DGKI: variants seen among roughly 807,000 people sequenced by gnomAD.
DGKI encodes the protein diacylglycerol kinase iota.
Under a neutral mutation model 147.5 loss-of-function variants are expected in DGKI, and 55 were observed. The observed-to-expected ratio is 0.37, with a 90% confidence interval of 0.30 to 0.47. The LOEUF is 0.47. Among genes scored for constraint, DGKI ranks in the 20% least tolerant of loss-of-function variants. The pLI, the probability that DGKI is intolerant of heterozygous loss-of-function variation, is 1.00. For missense variants in DGKI, 1,007 were observed against 1,323.8 expected (o/e 0.76, Z 3.71); for synonymous variants, 469 against 477.1 (o/e 0.98, Z 0.22).
At chr7:137,466,164 A>G in intron 25 of DGKI, 129 bp from the exon 26 acceptor site, 1 of 1,141,244 alleles carries the variant, frequency 8.8e-7, no homozygotes, top group Non-Finnish European at 1.3e-6. Context: ...TCAGTTGGTG[A>G]TCCTCCCCAA....
At chr7:137,434,624 C>A (rs1813213024) in intron 28 of DGKI, among the ~76,000 whole-genome samples, 1 of 151,958 alleles carries the variant, frequency 6.6e-6, no homozygotes, top group Non-Finnish European at 1.5e-5. Context: ...CCCTCATCTT[C>A]TCCAGCCACT....
At chr7:137,822,551 C>G (rs950714165) in intron 1 of DGKI, among the ~76,000 whole-genome samples, 5 of 151,938 alleles carry the variant, frequency 3.3e-5, no homozygotes, top group Non-Finnish European at 7.4e-5. Context: ...AAACCAGGAC[C>G]CCACGGTGAA....
chr7:137,687,366 C>A (rs1426347013), intron 2 of DGKI, among the ~76,000 whole-genome samples: 1 of 152,166 alleles, frequency 6.6e-6, no homozygotes, highest in South Asian at 2.1e-4. Context: ...ATAAAGATTG[C>A]TCATTTCCAT....
intron 18 of DGKI, among the ~76,000 whole-genome samples, chr7:137,572,099 A>C (rs1818813745): frequency 6.6e-6 from 1 of 152,232 alleles, no homozygotes; most frequent in Non-Finnish European, 1.5e-5. Context: ...ATTCAGTCTA[A>C]ATACAATGTA....
intron 1 of DGKI, among the ~76,000 whole-genome samples, chr7:137,785,611 C>T (rs1461032789): frequency 2.0e-5 from 3 of 152,032 alleles, no homozygotes; most frequent in Admixed American, 6.6e-5. Flanking sequence ...GGAATCCTCC[C>T]TAAATCATTT....
intron 1 of DGKI, among the ~76,000 whole-genome samples, chr7:137,772,768 A>G (rs1314716844): frequency 6.6e-6 from 1 of 152,260 alleles, no homozygotes. Context: ...TCATACATTC[A>G]ACAAACATAT....
chr7:137,731,236 CTTCA>C (rs1212595298), intron 1 of DGKI, among the ~76,000 whole-genome samples: 7 of 152,090 alleles, frequency 4.6e-5, no homozygotes, highest in Non-Finnish European at 1.0e-4. Context: ...TCCAAACCGT[CTTCA>C]TTCACTCTGC....
intron 2 of DGKI, among the ~76,000 whole-genome samples, chr7:137,684,873 A>C (rs1048326837): frequency 3.3e-5 from 5 of 152,212 alleles, no homozygotes; most frequent in African/African-American, 1.2e-4. Context: ...ATTAAGGTCC[A>C]GGTCTCCTAG....
intron 1 of DGKI, among the ~76,000 whole-genome samples, chr7:137,720,083 G>A (rs564532360): frequency 2.0e-5 from 3 of 152,118 alleles, no homozygotes; most frequent in African/African-American, 7.2e-5. Context: ...TTTTGCAGAC[G>A]ATTCTCACAT....
intron 1 of DGKI, among the ~76,000 whole-genome samples, chr7:137,783,428 A>C (rs1796579434): frequency 6.6e-6 from 1 of 152,236 alleles, no homozygotes; most frequent in Admixed American, 6.5e-5. Context: ...TCAAAGACAA[A>C]GAAAAAAGAA....
At position 137,390,035 on chromosome 7, in the gene DGKI, C is replaced by G. The variant is rs1811301727; in HGVS notation, c.*1185G>C. 6.6e-6 allele frequency: 1 copy of G among 152,036 alleles called. No individual in the cohort carries two copies. Among genetic ancestry groups the G allele is most frequent in the African/African-American group, 2.4e-5 (1 of 41,388 alleles). 9.4% of individuals were successfully genotyped at this position (152,036 alleles called of 1,614,324 possible). A position where few individuals can be genotyped will look rare whatever the true frequency, so the allele number is the denominator to read the frequency against. ...AAGGATTACTTGGAGTAATGAAAAC[C>G]AAAAACCTAAAAGAAAGACCTAAAA... On this transcript the variant is annotated 3_prime_UTR_variant, in exon 33 of 33. Transcript: ENST00000614521.
rs1234719520 is a variant in DGKI at position 137,395,613 on chromosome 7, T to C, written c.3042A>G (p.Arg1014=). ...QLLVDAGASL[R]KTDSKGKTPQ... Reference sequence around the variant, plus strand: ...ATCGAGTTACCTTGGAGTCCGTCTTTCTCAGAGATGCTCCTGCATCCACCA... The same window carrying C: ...ATCGAGTTACCTTGGAGTCCGTCTTCCTCAGAGATGCTCCTGCATCCACCA... Residue 1014 remains arginine, a synonymous_variant, in exon 32 of 33, where the codon AGA becomes AGG. Transcript: ENST00000614521. 6.2e-7 allele frequency: 1 copy of C among 1,614,050 alleles called. No individual in the cohort carries two copies. The highest frequency in any genetic ancestry group is 2.2e-5 in the East Asian group (1 of 44,862).
intron 20 of DGKI, among the ~76,000 whole-genome samples, chr7:137,532,323 T>C (rs1033746466): frequency 6.6e-6 from 1 of 152,168 alleles, no homozygotes; most frequent in African/African-American, 2.4e-5. Flanking sequence ...AAAGTAAGGA[T>C]TGACCTGACA....
At position 137,460,478 on chromosome 7, in the gene DGKI, G is replaced by T. The variant is rs138638137; in HGVS notation, c.2735+3011C>A. On this transcript the variant is annotated intron_variant, in intron 27 of 32. Transcript: ENST00000614521. ...TGAAATGGCAAGTTCCAAAATATAT[G>T]CATTATATAACACAGGCAAAAACAA... 1.4e-4 allele frequency among the ~76,000 whole-genome samples: 22 copies of T among 152,234 alleles called. No homozygotes were observed. The East Asian group carries it at 3.9e-3, about 27-fold the overall frequency.
At chr7:137,392,733 T>A (rs975715481) in intron 32 of DGKI, among the ~76,000 whole-genome samples, 6 of 152,322 alleles carry the variant, frequency 3.9e-5, no homozygotes, top group African/African-American at 1.4e-4. Context: ...TCCATAATAA[T>A]GAGGTTGGAA....
chr7:137,761,910 C>CA (rs747950878), intron 1 of DGKI, among the ~76,000 whole-genome samples: 8 of 152,144 alleles, frequency 5.3e-5, no homozygotes, highest in Non-Finnish European at 1.2e-4. Flanking sequence ...TAAATGGCAC[C>CA]ACCTAAAAGC....
At chr7:137,843,858 C>T (rs1798631438) in intron 1 of DGKI, among the ~76,000 whole-genome samples, 2 of 151,806 alleles carry the variant, frequency 1.3e-5, no homozygotes, top group Admixed American at 1.3e-4. Context: ...TACACATGTT[C>T]TTCAAAAGAT....
At chr7:137,558,570 G>C (rs1275464327) in intron 19 of DGKI, among the ~76,000 whole-genome samples, 1 of 150,294 alleles carries the variant, frequency 6.7e-6, no homozygotes, top group Non-Finnish European at 1.5e-5. Flanking sequence ...GAGCCACTGC[G>C]CCCAGCCCAC....
intron 1 of DGKI, among the ~76,000 whole-genome samples, chr7:137,838,295 A>G (rs1798446641): frequency 6.6e-6 from 1 of 151,704 alleles, no homozygotes; most frequent in African/African-American, 2.4e-5. Flanking sequence ...TTCCTTCAAA[A>G]CTCTTAAAGA....
Sources: gnomAD v4.1 joint callset for allele counts (sites outside exome capture counted in the v4.1 genomes callset) on GRCh38, gnomAD v4.1.1 for gene constraint, MANE v1.5 for transcripts, NCBI Gene and HGNC (gene_info 2026-07-23, HGNC 2026-07-21) for gene names.